Variants in HP1BP3 observed in about 807,000 individuals in gnomAD.
HP1BP3 encodes heterochromatin protein 1-binding protein 3.
A neutral mutation model predicts 62.5 loss-of-function variants in HP1BP3; 12 were observed. That is an observed-to-expected ratio of 0.19 (90% CI 0.12 to 0.31). The LOEUF (loss-of-function observed/expected upper bound fraction) is 0.31, where lower values mean the gene tolerates loss of function less well. HP1BP3 is among the 10% of genes least tolerant of loss of function. The pLI, the probability that HP1BP3 is intolerant of heterozygous loss-of-function variation, is 1.00. For missense variants in HP1BP3, 502 were observed against 651.8 expected, an observed-to-expected ratio of 0.77 and a Z score of 2.50; for synonymous variants, 260 against 237.8, an observed-to-expected ratio of 1.09 and a Z score of -0.86.
rs539009892 is a variant in HP1BP3 at position 20,741,275 on chromosome 1, G to A, written c.*3522C>T. On this transcript the variant is annotated 3_prime_UTR_variant, in exon 13 of 13. Coordinates refer to ENST00000438032, the MANE Select transcript of HP1BP3 (RefSeq NM_001372052.1). ...TTAATGAACATGGCTGGTGAGTTTC[G>A]TTCTCATGACGTATCAAGATGGCAA... 4.6e-5 allele frequency among the ~76,000 whole-genome samples: 7 copies of A among 152,118 alleles called. No homozygotes were observed. The South Asian group carries it at 6.2e-4, about 14-fold the overall frequency.
At position 20,757,196 on chromosome 1, in the gene HP1BP3, T is replaced by C; in HGVS notation, c.951A>G (p.Ile317Met). 1.2e-6 allele frequency: 2 copies of C among 1,613,020 alleles called. No homozygotes were observed. The highest frequency in any genetic ancestry group is 1.7e-6 in the Non-Finnish European group (2 of 1,179,366). The change falls in exon 9 of 13, where the codon ATA becomes ATG. Residue 317 changes from isoleucine to methionine, a missense_variant. By Grantham distance (10) the Ile-to-Met change is conservative (BLOSUM62 1). Around this residue, in one of 5 missense-constraint regions of HP1BP3, gnomAD observed 111 missense variants for 242.0 expected, o/e 0.46. Coordinates refer to ENST00000438032, the MANE Select transcript of HP1BP3 (RefSeq NM_001372052.1). The part of the protein sequence containing the change: ...RAVERGQLEQ[I>M]TGKGASGTFQ... The stretch of plus-strand genomic sequence containing the variant: ...ATGTCCCCGAAGCACCTTTGCCAGT[T>C]ATCTGTTCTAACTGGCCCCTCTCTA...
chr1:20,753,321 T>C (rs1260544475), intron 9 of HP1BP3, among the ~76,000 whole-genome samples: 2 of 152,204 alleles, frequency 1.3e-5, no homozygotes, highest in African/African-American at 4.8e-5. Context: ...AGACAGTATC[T>C]TGCAAATGAA....
intron 1 of HP1BP3, among the ~76,000 whole-genome samples, chr1:20,784,041 C>T (rs1206295993): frequency 6.6e-6 from 1 of 152,166 alleles, no homozygotes; most frequent in African/African-American, 2.4e-5. Context: ...AGTATCACAG[C>T]TCACTGCAGC....
chr1:20,780,269 T>C, intron 2 of HP1BP3, 76 bp downstream of exon 2: 1 of 1,026,484 alleles, frequency 9.7e-7, no homozygotes, highest in South Asian at 1.3e-5. Context: ...AAGGAACATG[T>C]ACCAAGAAGG....
intron 8 of HP1BP3, among the ~76,000 whole-genome samples, chr1:20,764,366 G>A (rs1412912697): frequency 5.3e-5 from 8 of 150,142 alleles, no homozygotes; most frequent in Admixed American, 6.6e-5. Context: ...TTTTTGAGAC[G>A]GAGTTTTGCT....
chr1:20,745,491 A>G, intron 12 of HP1BP3, 52 bp downstream of exon 12: 1 of 1,577,618 alleles, frequency 6.3e-7, no homozygotes. Flanking sequence ...ACTATTTTTC[A>G]GCTCTGAGGT....
intron 11 of HP1BP3, 93 bp from the exon 12 acceptor site, chr1:20,745,749 T>G (rs2055278056): frequency 1.5e-6 from 2 of 1,306,568 alleles, no homozygotes; most frequent in Non-Finnish European, 2.1e-6. Context: ...CATATCCCAC[T>G]TCTTCCCACC....
At chr1:20,786,753 CGCT>C (rs2057856654) in intron 1 of HP1BP3, 1 of 152,180 alleles carries the variant, frequency 6.6e-6, no homozygotes, top group African/African-American at 2.4e-5. Flanking sequence ...CTCCGAAAAC[CGCT>C]GAGGGAGTGG....
intron 10 of HP1BP3, 75 bp downstream of exon 10, chr1:20,749,648 A>G: frequency 9.3e-6 from 13 of 1,405,060 alleles, no homozygotes; most frequent in East Asian, 2.3e-5. Context: ...CGTGAGCCAC[A>G]GTGCCTGGCC....
At chr1:20,773,657 G>A (rs375920946) in intron 4 of HP1BP3, 47 bp from the exon 5 acceptor site, 3 of 1,315,306 alleles carry the variant, frequency 2.3e-6, no homozygotes, top group Middle Eastern at 2.3e-4. Context: ...TCTCTAGAAA[G>A]ACGTATAAAG....
chr1:20,767,465 T>C (rs1013735867), intron 7 of HP1BP3, 119 bp downstream of exon 7: 1 of 771,258 alleles, frequency 1.3e-6, no homozygotes. Flanking sequence ...TCCCTAGGCC[T>C]TAGCAGAAAG....
At chr1:20,767,759 T>G in intron 6 of HP1BP3, 95 bp from the exon 7 acceptor site, 1 of 725,650 alleles carries the variant, frequency 1.4e-6, no homozygotes. Context: ...TAATGTAAAG[T>G]GGTGTTTACT....
intron 7 of HP1BP3, among the ~76,000 whole-genome samples, 198 bp from the exon 8 acceptor site, chr1:20,765,729 G>A (rs1448372599): frequency 2.6e-5 from 4 of 152,128 alleles, no homozygotes; most frequent in Non-Finnish European, 5.9e-5. Context: ...CCAGCACTTT[G>A]GGAGGCCGAG....
intron 10 of HP1BP3, among the ~76,000 whole-genome samples, chr1:20,748,583 A>T (rs1170223847): frequency 6.6e-6 from 1 of 152,200 alleles, no homozygotes; most frequent in Admixed American, 6.5e-5. Context: ...TGTCTCTACT[A>T]AAAACAAATA....
intron 6 of HP1BP3, among the ~76,000 whole-genome samples, chr1:20,768,218 G>C (rs564957769): frequency 7.2e-5 from 11 of 151,968 alleles, no homozygotes; most frequent in Non-Finnish European, 1.3e-4. Context: ...AGGCCGAGGC[G>C]GGCGAATCAC....
chr1:20,785,034 C>G (rs2057758456), intron 1 of HP1BP3, among the ~76,000 whole-genome samples: 2 of 151,964 alleles, frequency 1.3e-5, no homozygotes, highest in Admixed American at 6.5e-5. Context: ...GATCTCCTCC[C>G]ACCTCAGCCA....
At position 20,765,737 on chromosome 1, in the gene HP1BP3, G is replaced by A. The variant is rs568721115; in HGVS notation, c.736-206C>T. On this transcript the variant is annotated intron_variant, in intron 7 of 12. Coordinates refer to ENST00000438032, the MANE Select transcript of HP1BP3 (RefSeq NM_001372052.1). ...TGTAATCCCAGCACTTTGGGAGGCCGAGGTGGGCAGATCACCTGAGGTCAG... is the reference window on the plus strand; with the variant it reads ...TGTAATCCCAGCACTTTGGGAGGCCAAGGTGGGCAGATCACCTGAGGTCAG... Among the ~76,000 whole-genome samples the A allele has an allele frequency of 3.3e-4, 50 of 152,170 alleles. 1 individual carries two copies. In the South Asian group the frequency reaches 9.1e-3, roughly 28 times the overall value.
chr1:20,744,928 G>T lies in HP1BP3; in HGVS notation c.1531C>A (p.Pro511Thr). 6.2e-7 allele frequency: 1 copy of T among 1,614,176 alleles called. No homozygotes were observed. The highest frequency in any genetic ancestry group is 8.5e-7 in the Non-Finnish European group (1 of 1,180,032). Reference sequence around the variant, plus strand: ...GGTTTCTTGATGACTGTGGATGAGGGTCTGGTCTTCTTGGCAGGCGTTTTG... The same window carrying T: ...GGTTTCTTGATGACTGTGGATGAGGTTCTGGTCTTCTTGGCAGGCGTTTTG... ...KAKTPAKKTR[P>T]SSTVIKKPSG... Residue 511 changes from proline (P) to threonine (T), a missense_variant, in exon 13 of 13, where the codon CCC becomes ACC. Pro to Thr is a conservative substitution (Grantham distance 38, BLOSUM62 -1). Transcript: ENST00000438032.
At chr1:20,751,114 G>A (rs943642083) in intron 9 of HP1BP3, among the ~76,000 whole-genome samples, 2 of 151,950 alleles carry the variant, frequency 1.3e-5, no homozygotes, top group Admixed American at 6.6e-5. Flanking sequence ...ACTGTGGCCG[G>A]CCATTATTTC....
Sources: allele counts gnomAD v4.1 joint callset (sites outside exome capture counted in the v4.1 genomes callset), GRCh38; gene constraint gnomAD v4.1.1; regional missense constraint gnomAD v4.1.1; transcripts MANE v1.5; gene names NCBI Gene and HGNC (gene_info 2026-07-23, HGNC 2026-07-21).